Variants in GMDS observed in about 807,000 individuals in gnomAD.
GMDS encodes GDP-mannose 4,6 dehydratase.
In GMDS, 20 loss-of-function variants were observed where a neutral mutation model predicts 49.9. The observed-to-expected ratio is 0.40, with a 90% CI of 0.28 to 0.58. The LOEUF (loss-of-function observed/expected upper bound fraction) is 0.58. GMDS is among the 20% of genes least tolerant of loss of function. The probability of loss-of-function intolerance (pLI) is 0.42; values close to 1 mark genes in which losing one functional copy is unlikely to be tolerated. For missense variants in GMDS, 362 were observed against 481.4 expected (o/e 0.75, Z 2.32); for synonymous variants, 177 against 178.6 (o/e 0.99, Z 0.07).
At chr6:1,942,203 C>T (rs1407935878) in intron 6 of GMDS, among the ~76,000 whole-genome samples, 1 of 152,190 alleles carries the variant, frequency 6.6e-6, no homozygotes. Context: ...TCACCCTGCA[C>T]CCAGTAGCCC....
intron 7 of GMDS, among the ~76,000 whole-genome samples, chr6:1,899,567 T>C (rs1760392768): frequency 6.6e-6 from 1 of 152,194 alleles, no homozygotes; most frequent in Non-Finnish European, 1.5e-5. Flanking sequence ...AGAAAGCCGG[T>C]GGGCCATTCC....
At chr6:1,904,732 T>C (rs1230517540) in intron 7 of GMDS, among the ~76,000 whole-genome samples, 1 of 152,256 alleles carries the variant, frequency 6.6e-6, no homozygotes, top group Non-Finnish European at 1.5e-5. Context: ...AATACCTCAC[T>C]GCAGGCTTCA....
chr6:2,025,813 C>A (rs1008576383), intron 4 of GMDS, among the ~76,000 whole-genome samples: 2 of 152,092 alleles, frequency 1.3e-5, no homozygotes, highest in African/African-American at 4.8e-5. Flanking sequence ...AGGGCAAGTT[C>A]TTTCTTAATC....
chr6:2,109,792 AG>A (rs1405055892), intron 4 of GMDS, among the ~76,000 whole-genome samples: 2 of 152,226 alleles, frequency 1.3e-5, no homozygotes, highest in African/African-American at 4.8e-5. Context: ...GGGCCTGTAA[AG>A]GGCCGATGGC....
chr6:2,025,858 C>A (rs1768564442), intron 4 of GMDS, among the ~76,000 whole-genome samples: 1 of 152,110 alleles, frequency 6.6e-6, no homozygotes, highest in Non-Finnish European at 1.5e-5. Context: ...CCTGAATAAT[C>A]AGCTCTGTAA....
In GMDS at chr6:1,700,741, A is replaced by C. The variant is rs9503005; in HGVS notation, c.987+25675T>G. Among the ~76,000 whole-genome samples the C allele has an allele frequency of 3.6e-3, 553 of 152,324 alleles. 3 individuals are homozygous for C. The highest frequency in any genetic ancestry group is 0.013 in the African/African-American group (523 of 41,568). ...GGCAAGAAAGAAGACTGCAGGTGCCAGCACACCTCGCGCTGTCCCTCCTCG... is the reference window on the plus strand; with the variant it reads ...GGCAAGAAAGAAGACTGCAGGTGCCCGCACACCTCGCGCTGTCCCTCCTCG... On this transcript the variant is annotated intron_variant, in intron 9 of 10. Transcript: ENST00000380815.
At chr6:1,828,302 G>A (rs977316714) in intron 7 of GMDS, among the ~76,000 whole-genome samples, 1 of 152,068 alleles carries the variant, frequency 6.6e-6, no homozygotes. Context: ...GAACTCAAGG[G>A]ACACCATCAA....
At chr6:1,750,726 G>A (rs957977579) in intron 7 of GMDS, among the ~76,000 whole-genome samples, 2 of 152,118 alleles carry the variant, frequency 1.3e-5, no homozygotes, top group Admixed American at 6.5e-5. Flanking sequence ...AGAAAGAACC[G>A]TTCACTCCCC....
intron 1 of GMDS, among the ~76,000 whole-genome samples, chr6:2,198,037 T>A (rs958592276): frequency 2.6e-5 from 4 of 152,098 alleles, no homozygotes; most frequent in African/African-American, 7.2e-5. Flanking sequence ...CCTATCCCCA[T>A]CTATAAAATG....
At position 1,781,832 on chromosome 6, in the gene GMDS, A is replaced by G. The variant is rs565980709; in HGVS notation, c.772-39246T>C. ...AGTATTGTAGGAATAATAATATAGA[A>G]CTGGTGCAATCCTCTCAAACCAACT... On this transcript the variant is annotated intron_variant, in intron 7 of 10. Transcript: ENST00000380815. Among the ~76,000 whole-genome samples the G allele has an allele frequency of 2.6e-5, 4 of 150,958 alleles. No individual in the cohort carries two copies. In the South Asian group the frequency reaches 8.4e-4, roughly 32 times the overall value.
rs1200104824 is a variant in GMDS at position 1,836,571 on chromosome 6, T to TA, written c.771+93531dup. ...AATAGCTAATGTCCTTTCATTAGTA[T>TA]AATGACATCTACTAACTACATCAGT... On this transcript the variant is annotated intron_variant, in intron 7 of 10. Coordinates refer to ENST00000380815, the MANE Select transcript of GMDS (RefSeq NM_001500.4). The surrounding 1 kb of genome is among the most constrained non-coding windows in gnomAD (Gnocchi z 4.2). Among the ~76,000 whole-genome samples, 1 of 152,260 alleles carries TA rather than the reference T, an allele frequency of 6.6e-6. No individual in the cohort carries two copies. Among genetic ancestry groups the TA allele is most frequent in the Non-Finnish European group, 1.5e-5 (1 of 68,038 alleles).
At chr6:2,065,569 T>A (rs1396585608) in intron 4 of GMDS, among the ~76,000 whole-genome samples, 1 of 152,074 alleles carries the variant, frequency 6.6e-6, no homozygotes, top group Non-Finnish European at 1.5e-5. Context: ...TACAGAGAAG[T>A]GCTTAAAGGA....
In GMDS at chr6:1,972,278, T is replaced by TC. The variant is rs398000172; in HGVS notation, c.346-11313_346-11312insG. ...TGGGTTTTTGTTTTTTTTTTTTTTT[T>TC]AGAAAATCTTAATTTAAAAATACTT... On this transcript the variant is annotated intron_variant, in intron 4 of 10. Transcript: ENST00000380815. Among the ~76,000 whole-genome samples, 153 of 150,290 alleles carry TC rather than the reference T, an allele frequency of 1.0e-3. 1 individual carries two copies. The Middle Eastern group carries it at 0.017, about 17-fold the overall frequency.
At chr6:1,962,128 C>T (rs752814746) in intron 4 of GMDS, among the ~76,000 whole-genome samples, 39 of 152,168 alleles carry the variant, frequency 2.6e-4, no homozygotes, top group Non-Finnish European at 4.9e-4. Flanking sequence ...GTTTACAGTT[C>T]AGTGGTTTCT....
At chr6:2,185,010 C>G (rs536901557) in intron 1 of GMDS, among the ~76,000 whole-genome samples, 1 of 152,218 alleles carries the variant, frequency 6.6e-6, no homozygotes, top group Non-Finnish European at 1.5e-5. Context: ...ACAAAACAGA[C>G]AAGATCCCTG....
intron 4 of GMDS, among the ~76,000 whole-genome samples, chr6:2,102,580 G>A (rs1371517418): frequency 5.3e-5 from 8 of 152,154 alleles, no homozygotes; most frequent in Non-Finnish European, 1.2e-4. Context: ...CGATGTTATT[G>A]CATTAAGAAA....
chr6:1,773,249 T>C (rs1768656621), intron 7 of GMDS, among the ~76,000 whole-genome samples: 1 of 151,990 alleles, frequency 6.6e-6, no homozygotes, highest in South Asian at 2.1e-4. Flanking sequence ...GCAATATCTA[T>C]ATTATTTGGG....
intron 4 of GMDS, among the ~76,000 whole-genome samples, chr6:2,036,668 C>T (rs1769324353): frequency 1.3e-5 from 2 of 152,182 alleles, no homozygotes. Context: ...TGATAATTCT[C>T]TTCCTATAAA....
chr6:1,670,687 G>C (rs184549146), intron 9 of GMDS, among the ~76,000 whole-genome samples: 96 of 152,298 alleles, frequency 6.3e-4, no homozygotes, highest in East Asian at 2.7e-3. Flanking sequence ...TCTTCCTAAG[G>C]TAATAGTTCA....
Sources: gnomAD v4.1 joint callset for allele counts (sites outside exome capture counted in the v4.1 genomes callset) on GRCh38, gnomAD v4.1.1 for gene constraint, Gnocchi (gnomAD v3.1) non-coding constraint, MANE v1.5 for transcripts, NCBI Gene and HGNC (gene_info 2026-07-23, HGNC 2026-07-21) for gene names.